Variants in CDC42 observed in about 807,000 individuals in gnomAD.
CDC42 encodes the protein cell division control protein 42 homolog.
CDC42 carries 1 observed loss-of-function variant against 20.8 expected under a neutral mutation model. The observed-to-expected ratio is 0.05, with a 90% confidence interval of 0.02 to 0.23. CDC42 has a LOEUF of 0.23. Ranked by LOEUF, CDC42 falls within the 10% of genes least tolerant of loss-of-function variation. The probability of loss-of-function intolerance (pLI) is 1.00; values close to 1 mark genes in which losing one functional copy is unlikely to be tolerated. For missense variants in CDC42, 49 were observed against 227.9 expected (o/e 0.21, Z 5.05); for synonymous variants, 72 against 84.8 (o/e 0.85, Z 0.83).
Position 22,096,963 on chromosome 1 carries a change from C to T in CDC42, c.*5446C>T, listed in dbSNP as rs1205874509. On this transcript the variant is annotated 3_prime_UTR_variant, in exon 6 of 6. Coordinates refer to ENST00000656825, the MANE Select transcript of CDC42 (RefSeq NM_001791.4). ...ATGTTGTATTGAGATGATTGTTATTCTACATTGTATTTATTTAGATAGTGG... is the reference window on the plus strand; with the variant it reads ...ATGTTGTATTGAGATGATTGTTATTTTACATTGTATTTATTTAGATAGTGG... 2.0e-5 allele frequency among the ~76,000 whole-genome samples: 3 copies of T among 152,190 alleles called. No homozygotes were observed. Among genetic ancestry groups the T allele is most frequent in the Non-Finnish European group, 4.4e-5 (3 of 68,034 alleles).
chr1:22,065,794 C>A (rs905268014), intron 1 of CDC42, among the ~76,000 whole-genome samples: 2 of 152,042 alleles, frequency 1.3e-5, no homozygotes, highest in Non-Finnish European at 1.5e-5. Flanking sequence ...GGGTCAGAGT[C>A]TCTGTCAACC....
At chr1:22,061,524 G>A (rs1645362930) in intron 1 of CDC42, among the ~76,000 whole-genome samples, 3 of 40,650 alleles carry the variant, frequency 7.4e-5, no homozygotes, top group African/African-American at 2.5e-4. Context: ...TTAACTTCAT[G>A]TTTCTTTCTT....
chr1:22,061,486 G>A (rs1258051918), intron 1 of CDC42, among the ~76,000 whole-genome samples: 1 of 145,824 alleles, frequency 6.9e-6, no homozygotes, highest in African/African-American at 2.5e-5. Context: ...TATTTTAAAG[G>A]GTTAGGGAAG....
intron 1 of CDC42, among the ~76,000 whole-genome samples, chr1:22,067,055 A>C (rs530292345): frequency 2.0e-5 from 3 of 152,280 alleles, no homozygotes; most frequent in African/African-American, 7.2e-5. Context: ...AGAGCCTGGC[A>C]CGTCTGGGGA....
At chr1:22,086,604 C>T (rs1375829276) in intron 4 of CDC42, 56 bp downstream of exon 4, 2 of 1,582,752 alleles carry the variant, frequency 1.3e-6, no homozygotes, top group South Asian at 1.1e-5. Context: ...TTCTACTGAC[C>T]TGTTATAAAT....
intron 5 of CDC42, chr1:22,090,836 C>T: frequency 1.0e-6 from 1 of 982,934 alleles, no homozygotes; most frequent in Non-Finnish European, 1.2e-6. Context: ...TCCTGTTGCA[C>T]TGACTGGCTC....
chr1:22,090,178 T>C, intron 5 of CDC42: 2 of 1,343,198 alleles, frequency 1.5e-6, no homozygotes, highest in Non-Finnish European at 1.9e-6. Context: ...GTATTAGTTT[T>C]TGATCAAGAA....
intron 5 of CDC42, chr1:22,090,414 T>C: frequency 1.0e-6 from 1 of 999,388 alleles, no homozygotes; most frequent in Non-Finnish European, 1.2e-6. Flanking sequence ...ATTTTACTCT[T>C]ATGATCAATT....
At chr1:22,057,687 A>G (rs1022471131) in intron 1 of CDC42, among the ~76,000 whole-genome samples, 1 of 151,776 alleles carries the variant, frequency 6.6e-6, no homozygotes, top group Non-Finnish European at 1.5e-5. Context: ...TCTAGCCCAA[A>G]AACATTTCTA....
chr1:22,063,841 C>T (rs1645391859), intron 1 of CDC42, among the ~76,000 whole-genome samples: 2 of 152,128 alleles, frequency 1.3e-5, no homozygotes, highest in South Asian at 2.1e-4. Context: ...GTGCCTCAGC[C>T]TCCCGAGTAG....
rs373592909 is a variant in CDC42, at chr1:22,089,939, G to A, written c.487-1489G>A. 24 of 1,613,496 alleles carry A rather than the reference G, an allele frequency of 1.5e-5. No homozygotes were observed. The African/African-American group carries it at 2.8e-4, about 19-fold the overall frequency. On this transcript the variant is annotated intron_variant, in intron 5 of 5. Transcript: ENST00000656825. ...TATTCTCTCTCCTCCCCTCTGTCTT[G>A]TAGAGAGGTCTGAAGAATGTGTTTG... is the stretch of plus-strand genomic sequence containing the variant.
chr1:22,055,574 C>T (rs565744331), intron 1 of CDC42, among the ~76,000 whole-genome samples: 1 of 151,268 alleles, frequency 6.6e-6, no homozygotes, highest in East Asian at 1.9e-4. Context: ...ACTGCAGCCT[C>T]GGCCTCCCAG....
chr1:22,093,413 T>A lies in CDC42; in HGVS notation c.*1896T>A, dbSNP rs1645734875. On this transcript the variant is annotated 3_prime_UTR_variant, in exon 6 of 6. Coordinates refer to ENST00000656825, the MANE Select transcript of CDC42 (RefSeq NM_001791.4). ...CCACACCTAGTTGGTTATCTCAAAC[T>A]ACTACTATCAGAATACAGGTTCTGT... Among the ~76,000 whole-genome samples the A allele has an allele frequency of 6.6e-6, 1 of 152,246 alleles. No individual in the cohort carries two copies. Among genetic ancestry groups the A allele is most frequent in the African/African-American group, 2.4e-5 (1 of 41,468 alleles).
At chr1:22,078,855 G>T in intron 2 of CDC42, 2 of 1,347,516 alleles carry the variant, frequency 1.5e-6, no homozygotes, top group Non-Finnish European at 1.9e-6. Flanking sequence ...TCAATTTGGT[G>T]AAGTATGCCC....
chr1:22,053,255 CGGCGGGGGTGGGGG>C (rs1241170197), intron 1 of CDC42: 1 of 73,076 alleles, frequency 1.4e-5, no homozygotes, highest in Non-Finnish European at 2.7e-5. Context: ...GGACATTTTG[CGGCGGGGGTGGGGG>C]GGCGGGGGAG....
intron 1 of CDC42, among the ~76,000 whole-genome samples, chr1:22,059,942 G>C (rs184051220): frequency 6.6e-6 from 1 of 152,296 alleles, no homozygotes; most frequent in Admixed American, 6.5e-5. Context: ...GACTATCCCT[G>C]AGAGCTGGGG....
intron 1 of CDC42, among the ~76,000 whole-genome samples, chr1:22,070,104 T>C (rs1333057072): frequency 1.3e-5 from 2 of 152,216 alleles, no homozygotes; most frequent in East Asian, 3.8e-4. Context: ...TAGGATTTTC[T>C]AAGCAATGTT....
intron 1 of CDC42, among the ~76,000 whole-genome samples, chr1:22,055,659 T>G (rs1482310785): frequency 6.6e-6 from 1 of 151,936 alleles, no homozygotes; most frequent in African/African-American, 2.4e-5. Context: ...CGGCTAATTT[T>G]GGTATCTTTT....
intron 1 of CDC42, among the ~76,000 whole-genome samples, chr1:22,077,287 CAG>C (rs1222170056): frequency 6.6e-6 from 1 of 152,172 alleles, no homozygotes; most frequent in Admixed American, 6.5e-5. Context: ...CAACAACTCA[CAG>C]TGTGTCAGTC....
Sources: allele counts gnomAD v4.1 joint callset (sites outside exome capture counted in the v4.1 genomes callset), GRCh38; gene constraint gnomAD v4.1.1; transcripts MANE v1.5; gene names NCBI Gene and HGNC (gene_info 2026-07-23, HGNC 2026-07-21).